Variants in WNK3 observed in about 807,000 individuals in gnomAD.
WNK3 encodes serine/threonine-protein kinase WNK3.
Under a neutral mutation model 116.7 loss-of-function variants are expected in WNK3, and 18 were observed. The ratio of observed to expected loss-of-function variants is 0.15; its 90% CI spans 0.11 to 0.23. The LOEUF (loss-of-function observed/expected upper bound fraction) is 0.23. Ranked by LOEUF, WNK3 falls within the 10% of genes least tolerant of loss-of-function variation. WNK3 has a pLI of 1.00. For missense variants in WNK3, 993 were observed against 1,323.8 expected (o/e 0.75, Z 3.88); for synonymous variants, 404 against 469.4 (o/e 0.86, Z 1.80).
intron 10 of WNK3, among the ~76,000 whole-genome samples, chrX:54,276,441 A>G (rs1453748330): frequency 1.3e-4 from 15 of 111,921 alleles, no homozygotes; most frequent in African/African-American, 4.2e-4. Flanking sequence ...TCAGCAATTA[A>G]TAATAGAAAA....
At chrX:54,289,573 T>C (rs1368150880) in intron 10 of WNK3, among the ~76,000 whole-genome samples, 1 of 111,259 alleles carries the variant, frequency 9.0e-6, no homozygotes, top group East Asian at 2.8e-4. Context: ...TCTTAGGTTG[T>C]AAAATTAATG....
chrX:54,217,237 G>A (rs1200474358), intron 22 of WNK3, among the ~76,000 whole-genome samples: 4 of 103,684 alleles, frequency 3.9e-5, no homozygotes, highest in African/African-American at 1.1e-4. Flanking sequence ...AGAATGGCAT[G>A]AACCCAGGAG....
intron 10 of WNK3, among the ~76,000 whole-genome samples, chrX:54,281,437 T>C (rs1273289289): frequency 9.0e-6 from 1 of 111,174 alleles, no homozygotes; most frequent in African/African-American, 3.3e-5. Flanking sequence ...TGAGCCAAGA[T>C]TGCACCCCTG....
At position 54,309,446 on chromosome X, in the gene WNK3, C is replaced by T. The variant is rs1316598423; in HGVS notation, c.711-131G>A. 1.0e-5 allele frequency: 5 copies of T among 488,625 alleles called. No individual in the cohort carries two copies. In the Admixed American group the frequency reaches 2.0e-4, roughly 19 times the overall value. 40.3% of individuals were successfully genotyped at this position (488,625 alleles called of 1,213,427 possible). On this transcript the variant is annotated intron_variant, in intron 3 of 23. Coordinates refer to ENST00000354646, the Ensembl canonical transcript of WNK3. The stretch of plus-strand genomic sequence containing the variant: ...CCATCACTGAGTTGTTTTCTATTGT[C>T]TGTTATGGCAAAACAAAAATTTAAT...
chrX:54,340,014 G>A (rs1433815805), intron 1 of WNK3, among the ~76,000 whole-genome samples: 2 of 109,603 alleles, frequency 1.8e-5, no homozygotes, highest in African/African-American at 6.6e-5. Flanking sequence ...GCCAGGCATG[G>A]TGGCATGTGC....
intron 10 of WNK3, among the ~76,000 whole-genome samples, chrX:54,262,188 G>A (rs1490474993): frequency 9.0e-6 from 1 of 111,689 alleles, no homozygotes; most frequent in Non-Finnish European, 1.9e-5. Flanking sequence ...ATAAATGGTT[G>A]TAATTATACA....
intron 22 of WNK3, among the ~76,000 whole-genome samples, chrX:54,219,021 T>C (rs1473334174): frequency 4.5e-5 from 5 of 111,647 alleles, no homozygotes; most frequent in Admixed American, 1.9e-4. Context: ...ATATGCATAA[T>C]AGGAGTTCCA....
intron 22 of WNK3, among the ~76,000 whole-genome samples, chrX:54,225,437 A>G (rs985162893): frequency 5.1e-4 from 55 of 108,803 alleles, no homozygotes; most frequent in African/African-American, 1.8e-3. Flanking sequence ...CCTGGCCAAC[A>G]TGGCAAAACC....
intron 2 of WNK3, among the ~76,000 whole-genome samples, chrX:54,330,514 G>A (rs1557174097): frequency 1.8e-5 from 2 of 111,659 alleles, no homozygotes; most frequent in African/African-American, 6.5e-5. Context: ...CCAAGACAGC[G>A]CCACTGCATT....
intron 20 of WNK3, among the ~76,000 whole-genome samples, chrX:54,233,300 C>A (rs191535127): frequency 5.6e-4 from 59 of 104,480 alleles, no homozygotes; most frequent in Non-Finnish European, 9.6e-4. Context: ...TAGCTGGGCA[C>A]GGTGGTGCAT....
Position 54,333,426 on chromosome X carries a change from GC to G in WNK3, c.247del (p.Ala83LeufsTer3). On this transcript the variant is annotated frameshift_variant, in exon 2 of 24. Coordinates refer to ENST00000354646, the Ensembl canonical transcript of WNK3. LOFTEE classifies it high-confidence loss of function. Reference sequence around the variant, plus strand: ...ATCTACTCTTGGAATATTCATTGCAGCCTTAATTCTCTCATCTTTGGGGGAT... The same window carrying G: ...ATCTACTCTTGGAATATTCATTGCAGCTTAATTCTCTCATCTTTGGGGGAT... The G allele has an allele frequency of 8.3e-7, 1 of 1,211,576 alleles. No individual in the cohort carries two copies. Among genetic ancestry groups the G allele is most frequent in the Middle Eastern group, 2.3e-4 (1 of 4,352 alleles).
chrX:54,287,157 T>C (rs1557164112), intron 10 of WNK3, among the ~76,000 whole-genome samples: 1 of 111,439 alleles, frequency 9.0e-6, no homozygotes, highest in Non-Finnish European at 1.9e-5. Context: ...CTAGGGTTGG[T>C]GTGAAGATGT....
At chrX:54,200,544 TTC>T (rs2067490887) in intron 23 of WNK3, among the ~76,000 whole-genome samples, 1 of 111,725 alleles carries the variant, frequency 9.0e-6, no homozygotes, top group South Asian at 3.8e-4. Context: ...AAGGCAGGTA[TTC>T]TGTTTGAAAG....
chrX:54,248,070 G>A (rs1022046457), intron 17 of WNK3, among the ~76,000 whole-genome samples: 4 of 109,829 alleles, frequency 3.6e-5, no homozygotes, highest in Non-Finnish European at 7.6e-5. Flanking sequence ...GTAAAACCCC[G>A]TCTCTACTAA....
At chrX:54,211,441 C>CA (rs1216024608) in intron 22 of WNK3, among the ~76,000 whole-genome samples, 1,092 of 50,378 alleles carry the variant, frequency 0.022, 15 homozygotes, top group African/African-American at 0.062. Flanking sequence ...GACTCTGTCT[C>CA]AAAAAAAAAA....
intron 1 of WNK3, among the ~76,000 whole-genome samples, chrX:54,342,240 T>C (rs1048592693): frequency 1.8e-5 from 2 of 111,246 alleles, no homozygotes; most frequent in Non-Finnish European, 3.8e-5. Context: ...CCAGCCTGGG[T>C]GACAGAGAGA....
At chrX:54,232,882 T>C (rs782529635) in exon 21 of WNK3, 1 of 1,211,516 alleles carries the variant, frequency 8.3e-7, no homozygotes, top group Non-Finnish European at 1.1e-6. Flanking sequence ...TGAAAGATCT[T>C]GGTCGACGTG....
At chrX:54,254,662 AAGAC>A (rs1306776857) in intron 12 of WNK3, among the ~76,000 whole-genome samples, 2 of 111,877 alleles carry the variant, frequency 1.8e-5, no homozygotes, top group Admixed American at 9.6e-5. Flanking sequence ...AGTTAGAAAA[AAGAC>A]AGACTGGGAA....
intron 22 of WNK3, among the ~76,000 whole-genome samples, chrX:54,216,957 CTT>C (rs1253602105): frequency 2.4e-4 from 27 of 112,293 alleles, no homozygotes; most frequent in Non-Finnish European, 3.8e-5. Flanking sequence ...AAGAGGATCT[CTT>C]GAGGCCAGGA....
Sources: gnomAD v4.1 joint callset for allele counts (sites outside exome capture counted in the v4.1 genomes callset) on GRCh38, gnomAD v4.1.1 for gene constraint, MANE v1.5 for transcripts, NCBI Gene and HGNC (gene_info 2026-07-23, HGNC 2026-07-21) for gene names.